The following C16orf96 variants were observed in gnomAD, a reference collection of about 807,000 sequenced individuals.
C16orf96 encodes the protein uncharacterized protein C16orf96.
Under a neutral mutation model 103.6 loss-of-function variants are expected in C16orf96, and 108 were observed. The observed-to-expected ratio is 1.04, with a 90% CI of 0.89 to 1.22. The LOEUF is 1.22. Ranked by LOEUF, C16orf96 falls within the 50% of genes most tolerant of loss-of-function variation. The pLI, the probability that C16orf96 is intolerant of heterozygous loss-of-function variation, is 0.00. For missense variants in C16orf96, 1,586 were observed against 1,464.2 expected (o/e 1.08, Z -1.36); for synonymous variants, 566 against 593.5 (o/e 0.95, Z 0.67).
At chr16:4,557,911 C>G (rs2059283544) in intron 1 of C16orf96, among the ~76,000 whole-genome samples, 1 of 152,178 alleles carries the variant, frequency 6.6e-6, no homozygotes, top group South Asian at 2.1e-4. Context: ...CTCAAGTGAT[C>G]CTCCTGCTTT....
intron 14 of C16orf96, among the ~76,000 whole-genome samples, chr16:4,597,977 A>G (rs981647208): frequency 7.9e-5 from 12 of 152,214 alleles, no homozygotes; most frequent in Admixed American, 1.3e-4. Flanking sequence ...TTAGAAATCA[A>G]TTGGAAACCT....
intron 1 of C16orf96, among the ~76,000 whole-genome samples, chr16:4,565,625 A>G (rs1001049175): frequency 5.9e-5 from 9 of 152,254 alleles, no homozygotes; most frequent in Non-Finnish European, 1.3e-4. Context: ...AGTAGCTGGG[A>G]TTACAGCTGC....
intron 7 of C16orf96, among the ~76,000 whole-genome samples, chr16:4,580,364 C>T (rs2059570658): frequency 7.3e-6 from 1 of 136,900 alleles, no homozygotes; most frequent in Non-Finnish European, 1.5e-5. Context: ...TCTTTTTGAC[C>T]ACTGCGTCAC....
chr16:4,557,831 G>A (rs1203273331), intron 1 of C16orf96, among the ~76,000 whole-genome samples: 1 of 152,056 alleles, frequency 6.6e-6, no homozygotes, highest in Non-Finnish European at 1.5e-5. Context: ...CACTGCACCT[G>A]GCTAATTTTT....
chr16:4,599,190 C>T, intron 14 of C16orf96, 94 bp from the exon 15 acceptor site: 5 of 1,084,464 alleles, frequency 4.6e-6, no homozygotes, highest in Non-Finnish European at 6.9e-6. Flanking sequence ...TGGGGTTGGT[C>T]CCACCAGAGG....
intron 1 of C16orf96, among the ~76,000 whole-genome samples, chr16:4,568,130 C>T (rs955400986): frequency 6.6e-6 from 1 of 152,028 alleles, no homozygotes; most frequent in African/African-American, 2.4e-5. Flanking sequence ...GTCTGGAACT[C>T]CTGAGCTCAA....
At chr16:4,547,952 T>C in the C16orf96 span, among the ~76,000 whole-genome samples, 1 of 151,886 alleles carries the variant, frequency 6.6e-6, no homozygotes, top group Non-Finnish European at 1.5e-5. Flanking sequence ...GTTTTCTTTT[T>C]AGGGTAATGA....
At chr16:4,573,304 T>C (rs1430597486) in intron 2 of C16orf96, among the ~76,000 whole-genome samples, 2 of 151,660 alleles carry the variant, frequency 1.3e-5, no homozygotes, top group Non-Finnish European at 2.9e-5. Flanking sequence ...CTGGGTGTGG[T>C]TGCAGGCACC....
the C16orf96 span, among the ~76,000 whole-genome samples, chr16:4,548,842 T>C: frequency 6.7e-6 from 1 of 148,598 alleles, no homozygotes; most frequent in African/African-American, 2.5e-5. Context: ...TGTCACGCCA[T>C]TGCACTCCAG....
At chr16:4,599,999 T>A in intron 15 of C16orf96, 101 bp from the exon 16 acceptor site, 1 of 1,202,542 alleles carries the variant, frequency 8.3e-7, no homozygotes, top group Non-Finnish European at 1.2e-6. Context: ...GCACTTCTAG[T>A]CCTGGGCTTC....
At chr16:4,566,595 A>T (rs2059387759) in intron 1 of C16orf96, among the ~76,000 whole-genome samples, 1 of 152,190 alleles carries the variant, frequency 6.6e-6, no homozygotes. Context: ...TATGATTTGC[A>T]AAATGAGGTT....
chr16:4,546,453 C>T, the C16orf96 span, among the ~76,000 whole-genome samples: 4 of 129,940 alleles, frequency 3.1e-5, no homozygotes, highest in Non-Finnish European at 6.7e-5. Context: ...CCACCGCGCC[C>T]GGACTTTTTT....
Position 4,592,354 on chromosome 16 carries a change from A to G in C16orf96, c.2761A>G (p.Met921Val). ...KCISCDRPVE[M>V]MTGPQLITIR... ...CATCTCCTGTGACCGGCCTGTGGAG[A>G]TGATGACTGGCCCGTGAGTACCACC... The change falls in exon 11 of 16, where the codon ATG becomes GTG. Residue 921 changes from methionine to valine, a missense_variant. Coordinates refer to ENST00000444310, the MANE Select transcript of C16orf96 (RefSeq NM_001145011.2). 6.4e-7 allele frequency: 1 copy of G among 1,551,624 alleles called. No homozygotes were observed. The highest frequency in any genetic ancestry group is 8.7e-7 in the Non-Finnish European group (1 of 1,146,968).
chr16:4,598,566 A>G (rs1897221856), intron 14 of C16orf96, among the ~76,000 whole-genome samples: 1 of 151,958 alleles, frequency 6.6e-6, no homozygotes, highest in Admixed American at 6.6e-5. Context: ...ATGCCTCTGA[A>G]TTGTGCACTT....
chr16:4,551,869 C>G (rs2059230063), upstream of C16orf96, among the ~76,000 whole-genome samples: 2 of 152,126 alleles, frequency 1.3e-5, no homozygotes, highest in African/African-American at 4.8e-5. Context: ...GTTTTAAGCC[C>G]TGCCTGCATT....
chr16:4,583,717 G>A (rs1397248320), intron 7 of C16orf96, among the ~76,000 whole-genome samples: 1 of 152,042 alleles, frequency 6.6e-6, no homozygotes, highest in African/African-American at 2.4e-5. Flanking sequence ...GAGGTCAGGA[G>A]TTTGAAACCA....
At position 4,556,790 on chromosome 16, in the gene C16orf96, C is replaced by G; in HGVS notation, c.301C>G (p.Leu101Val). The change falls in exon 1 of 16, where the codon CTG (leucine) becomes GTG (valine). Residue 101 changes from leucine to valine, a missense_variant. Leu to Val is a conservative substitution (Grantham distance 32, BLOSUM62 1). Coordinates refer to ENST00000444310, the MANE Select transcript of C16orf96 (RefSeq NM_001145011.2). ...GAACCAGCTGGCCCTGCTGCAGGAC[C>G]TGCCCTCCACTGCCCAGCTGCTGGA... ...LENQLALLQDLPSTAQLLEAS... is the reference protein window; with the variant it reads ...LENQLALLQDVPSTAQLLEAS... 1.3e-6 allele frequency: 2 copies of G among 1,551,674 alleles called. No homozygotes were observed. The highest frequency in any genetic ancestry group is 2.0e-5 in the Admixed American group (1 of 50,994).
chr16:4,545,913 G>A, the C16orf96 span, among the ~76,000 whole-genome samples: 283 of 150,146 alleles, frequency 1.9e-3, 4 homozygotes, highest in African/African-American at 6.6e-3. Flanking sequence ...GCAATGGCGC[G>A]ATCTCAGCTC....
In C16orf96 at chr16:4,574,971, G is replaced by A; in HGVS notation, c.607-1G>A. On this transcript the variant is annotated splice_acceptor_variant, in intron 3 of 15. Coordinates refer to ENST00000444310, the MANE Select transcript of C16orf96 (RefSeq NM_001145011.2). LOFTEE classifies it high-confidence loss of function. Reference sequence around the variant, plus strand: ...CCTCATTTTCTACCCCCACCTTGCAGGCTTCTCTCCAGAATAAGTTTAAAA... The same window carrying A: ...CCTCATTTTCTACCCCCACCTTGCAAGCTTCTCTCCAGAATAAGTTTAAAA... The A allele has an allele frequency of 1.3e-6, 2 of 1,551,410 alleles. No individual in the cohort carries two copies. Among genetic ancestry groups the A allele is most frequent in the African/African-American group, 1.4e-5 (1 of 73,194 alleles).
Sources: allele counts gnomAD v4.1 joint callset (sites outside exome capture counted in the v4.1 genomes callset), GRCh38; gene constraint gnomAD v4.1.1; transcripts MANE v1.5; gene names NCBI Gene and HGNC (gene_info 2026-07-23, HGNC 2026-07-21).